PDE8B: variants seen among roughly 807,000 people sequenced by gnomAD.
PDE8B encodes high affinity cAMP-specific and IBMX-insensitive 3',5'-cyclic phosphodiesterase 8B.
Under a neutral mutation model 101.3 loss-of-function variants are expected in PDE8B, and 26 were observed. The observed-to-expected ratio is 0.26, with a 90% confidence interval of 0.19 to 0.36. PDE8B has a LOEUF of 0.36. Among genes scored for constraint, PDE8B ranks in the 10% least tolerant of loss-of-function variants. The probability of loss-of-function intolerance (pLI) is 1.00; values close to 1 mark genes in which losing one functional copy is unlikely to be tolerated. For missense variants in PDE8B, 810 were observed against 1,163.1 expected, an observed-to-expected ratio of 0.70 and a Z score of 4.42; for synonymous variants, 424 against 429.3, an observed-to-expected ratio of 0.99 and a Z score of 0.15.
rs1246504447 is a variant in PDE8B, at chr5:77,421,049, C to G, written c.2251-772C>G. On this transcript the variant is annotated intron_variant, in intron 19 of 21. Coordinates refer to ENST00000264917, the MANE Select transcript of PDE8B (RefSeq NM_003719.5). The stretch of plus-strand genomic sequence containing the variant: ...TTAAAAGTGGAGAATAACAATCTTT[C>G]AGGTTCTATGTAAATGGCCTGTGAT... Among the ~76,000 whole-genome samples, 3 of 152,316 alleles carry G rather than the reference C, an allele frequency of 2.0e-5. No homozygotes were observed. The East Asian group carries it at 5.8e-4, about 29-fold the overall frequency.
chr5:77,090,860 T>G, the PDE8B span, among the ~76,000 whole-genome samples: 1 of 152,242 alleles, frequency 6.6e-6, no homozygotes, highest in African/African-American at 2.4e-5. Flanking sequence ...CTGTAAATAA[T>G]GCTGCAATTA....
chr5:77,195,587 T>C, the PDE8B span, among the ~76,000 whole-genome samples: 1 of 151,970 alleles, frequency 6.6e-6, no homozygotes, highest in Non-Finnish European at 1.5e-5. Context: ...CCCTGCACAG[T>C]AAAAAAAGAA....
intron 1 of PDE8B, among the ~76,000 whole-genome samples, chr5:77,212,993 A>G (rs1010725156): frequency 1.3e-5 from 2 of 152,224 alleles, no homozygotes. Context: ...ATCTCAGTTT[A>G]GTACTTGGCA....
chr5:77,277,429 T>C (rs1471384531), intron 1 of PDE8B, among the ~76,000 whole-genome samples: 1 of 152,228 alleles, frequency 6.6e-6, no homozygotes, highest in Non-Finnish European at 1.5e-5. Flanking sequence ...GGTGTTTCCC[T>C]TTTAACTGTT....
chr5:77,291,446 A>G (rs879199442), intron 1 of PDE8B: 2 of 1,611,284 alleles, frequency 1.2e-6, no homozygotes, highest in Non-Finnish European at 1.7e-6. Flanking sequence ...CCCACGATGC[A>G]TCCATTGCAC....
intron 1 of PDE8B, among the ~76,000 whole-genome samples, chr5:77,227,171 A>T (rs891215796): frequency 6.6e-6 from 1 of 152,180 alleles, no homozygotes; most frequent in Non-Finnish European, 1.5e-5. Flanking sequence ...TAGAAATGGA[A>T]TGCATAGATG....
the PDE8B span, among the ~76,000 whole-genome samples, chr5:77,189,749 G>A: frequency 6.6e-6 from 1 of 152,062 alleles, no homozygotes; most frequent in Non-Finnish European, 1.5e-5. Flanking sequence ...GACTGTGGTC[G>A]GCTATAAAGA....
intron 10 of PDE8B, among the ~76,000 whole-genome samples, chr5:77,386,601 C>T (rs997219902): frequency 9.9e-5 from 15 of 151,764 alleles, no homozygotes; most frequent in African/African-American, 3.6e-4. Context: ...GATTGCAACC[C>T]CTGGTTTTTT....
At chr5:77,256,549 A>C (rs867199221) in intron 1 of PDE8B, among the ~76,000 whole-genome samples, 1 of 152,202 alleles carries the variant, frequency 6.6e-6, no homozygotes, top group Non-Finnish European at 1.5e-5. Context: ...TGCTATGATC[A>C]TGCCACTGTG....
the PDE8B span, among the ~76,000 whole-genome samples, chr5:77,161,958 A>T: frequency 3.8e-3 from 571 of 149,172 alleles, 8 homozygotes; most frequent in African/African-American, 0.013. Context: ...ATCTTGTTTA[A>T]TTTTTTTTCT....
intron 1 of PDE8B, among the ~76,000 whole-genome samples, chr5:77,248,762 C>A (rs915384862): frequency 2.0e-5 from 3 of 152,188 alleles, no homozygotes; most frequent in Admixed American, 2.0e-4. Flanking sequence ...AGCCCTAACT[C>A]TCCATGTGAC....
chr5:77,301,493 G>T (rs1036892969), intron 1 of PDE8B, among the ~76,000 whole-genome samples: 4 of 152,196 alleles, frequency 2.6e-5, no homozygotes, highest in African/African-American at 9.7e-5. Flanking sequence ...GATGGAGGTG[G>T]ATCAGAAATG....
chr5:77,248,516 A>G (rs1192770454), intron 1 of PDE8B, among the ~76,000 whole-genome samples: 1 of 152,156 alleles, frequency 6.6e-6, no homozygotes, highest in East Asian at 1.9e-4. Flanking sequence ...GGCCTTGGTG[A>G]CAAAAACTTC....
chr5:77,196,019 A>G, the PDE8B span, among the ~76,000 whole-genome samples: 1 of 152,184 alleles, frequency 6.6e-6, no homozygotes, highest in South Asian at 2.1e-4. Context: ...TCTAGTGACA[A>G]ATGATGTTGA....
At chr5:77,157,122 T>C in the PDE8B span, among the ~76,000 whole-genome samples, 2 of 152,156 alleles carry the variant, frequency 1.3e-5, no homozygotes, top group Non-Finnish European at 2.9e-5. Flanking sequence ...TTACTGGTGC[T>C]AAAAAACTGT....
the PDE8B span, among the ~76,000 whole-genome samples, chr5:77,187,031 G>A: frequency 6.6e-6 from 1 of 152,216 alleles, no homozygotes; most frequent in Non-Finnish European, 1.5e-5. Context: ...GCCAGGCAGT[G>A]GTTGTAATGG....
rs542151341 is a variant in PDE8B, at chr5:77,227,590, TAA to T, written c.339+16328_339+16329del. On this transcript the variant is annotated intron_variant, in intron 1 of 21. Coordinates refer to ENST00000264917, the MANE Select transcript of PDE8B (RefSeq NM_003719.5). The stretch of plus-strand genomic sequence containing the variant: ...GAAATGAAAGATGGAGAAAATGATA[TAA>T]AGAGTGGAGGTGTGCCTGTGCATGT... Among the ~76,000 whole-genome samples, 5 of 151,986 alleles carry T rather than the reference TAA, an allele frequency of 3.3e-5. No homozygotes were observed. The South Asian group carries it at 1.0e-3, about 32-fold the overall frequency.
Position 77,325,585 on chromosome 5 carries a change from G to T in PDE8B, c.446G>T (p.Trp149Leu), listed in dbSNP as rs1561529381. 4 of 1,614,100 alleles carry T rather than the reference G, an allele frequency of 2.5e-6. No individual in the cohort carries two copies. Among genetic ancestry groups the T allele is most frequent in the Non-Finnish European group, 3.4e-6 (4 of 1,179,968 alleles). The change falls in exon 3 of 22, where the codon TGG becomes TTG. Residue 149 changes from tryptophan (W) to leucine (L), a missense_variant. By Grantham distance (61) the Trp-to-Leu change is moderately conservative. Around this residue, in one of 4 missense-constraint regions of PDE8B, gnomAD observed 251 missense variants for 378.8 expected, o/e 0.66. Transcript: ENST00000264917. ...GAAGATAGTCAGAGCGATGGCTTCTGGTGGGCCTGCGACAGAGCTGGTTAT... is the reference window on the plus strand; with the variant it reads ...GAAGATAGTCAGAGCGATGGCTTCTTGTGGGCCTGCGACAGAGCTGGTTAT... ...AKEDSQSDGF[W>L]WACDRAGYRC...
the PDE8B span, among the ~76,000 whole-genome samples, chr5:77,188,816 AC>A: frequency 1.3e-5 from 2 of 152,156 alleles, no homozygotes; most frequent in African/African-American, 4.8e-5. Context: ...TGAATGGGTG[AC>A]CTGAAGGCTT....
Sources: gnomAD v4.1 joint callset for allele counts (sites outside exome capture counted in the v4.1 genomes callset) on GRCh38, gnomAD v4.1.1 for gene constraint, gnomAD v4.1.1 regional missense constraint, MANE v1.5 for transcripts, NCBI Gene and HGNC (gene_info 2026-07-23, HGNC 2026-07-21) for gene names.